Variants in TAF2 observed in about 807,000 individuals in gnomAD.
TAF2 encodes transcription initiation factor TFIID subunit 2.
In TAF2, 61 loss-of-function variants were observed where a neutral mutation model predicts 138.5. The observed-to-expected ratio is 0.44, with a 90% CI of 0.36 to 0.54. The LOEUF (loss-of-function observed/expected upper bound fraction) is 0.54, where lower values mean the gene tolerates loss of function less well. Among genes scored for constraint, TAF2 ranks in the 20% least tolerant of loss-of-function variants. The pLI is 0.00. For synonymous variants in TAF2, 475 were observed against 469.9 expected (o/e 1.01, Z -0.14); for missense variants, 1,090 against 1,427.9 (o/e 0.76, Z 3.81).
rs886896057 is a variant in TAF2, at chr8:119,765,031, G to A, written c.2365-2423C>T. Reference sequence around the variant, plus strand: ...CTCAAAGGAAATAAAATATCTGGTTGAGAGGAAATTTAAATCTAATTTATC... The same window carrying A: ...CTCAAAGGAAATAAAATATCTGGTTAAGAGGAAATTTAAATCTAATTTATC... On this transcript the variant is annotated intron_variant, in intron 18 of 25. Coordinates refer to ENST00000378164, the MANE Select transcript of TAF2 (RefSeq NM_003184.4). 1.6e-4 allele frequency among the ~76,000 whole-genome samples: 25 copies of A among 152,172 alleles called. 2 individuals are homozygous for A. The highest frequency in any genetic ancestry group is 1.5e-3 in the Admixed American group (23 of 15,270).
intron 22 of TAF2, among the ~76,000 whole-genome samples, 174 bp from the exon 23 acceptor site, chr8:119,747,108 G>C (rs73715703): frequency 0.014 from 2,063 of 152,240 alleles, 47 homozygotes; most frequent in African/African-American, 0.046. Context: ...TCCAAAAACT[G>C]TATTTTTATA....
At chr8:119,810,148 T>C (rs1824951831) in intron 3 of TAF2, among the ~76,000 whole-genome samples, 1 of 151,574 alleles carries the variant, frequency 6.6e-6, no homozygotes, top group Admixed American at 6.6e-5. Context: ...AATTTTAACA[T>C]ATGTACAGAT....
chr8:119,734,301 A>G (rs1197134253), intron 25 of TAF2, among the ~76,000 whole-genome samples: 1 of 152,140 alleles, frequency 6.6e-6, no homozygotes, highest in African/African-American at 2.4e-5. Context: ...CTAGCTAAGA[A>G]AAAAGAAAAG....
At chr8:119,812,296 G>A (rs1825124417) in intron 3 of TAF2, among the ~76,000 whole-genome samples, 2 of 151,978 alleles carry the variant, frequency 1.3e-5, no homozygotes, top group African/African-American at 4.8e-5. Flanking sequence ...GATAGCTCAA[G>A]ACAGGGAGCC....
intron 25 of TAF2, among the ~76,000 whole-genome samples, chr8:119,739,985 A>G (rs1819489380): frequency 6.6e-6 from 1 of 152,076 alleles, no homozygotes; most frequent in Admixed American, 6.6e-5. Flanking sequence ...TGAACTGGAT[A>G]TAGGCCAAAA....
intron 2 of TAF2, 43 bp downstream of exon 2, chr8:119,831,634 T>C (rs763139469): frequency 1.6e-5 from 23 of 1,429,664 alleles, no homozygotes; most frequent in Non-Finnish European, 2.3e-5. Context: ...TTACTCTTTA[T>C]AGTGGACTTG....
chr8:119,732,301 C>T, intron 25 of TAF2, 115 bp from the exon 26 acceptor site: 1 of 936,560 alleles, frequency 1.1e-6, no homozygotes. Flanking sequence ...TTTATCACTT[C>T]TATCAGGAAT....
At chr8:119,734,456 C>A (rs1819084998) in intron 25 of TAF2, among the ~76,000 whole-genome samples, 1 of 152,158 alleles carries the variant, frequency 6.6e-6, no homozygotes, top group African/African-American at 2.4e-5. Context: ...AATTACATTG[C>A]AGTACTAATT....
intron 2 of TAF2, among the ~76,000 whole-genome samples, chr8:119,828,576 C>A (rs1586559022): frequency 6.6e-6 from 1 of 152,010 alleles, no homozygotes; most frequent in Non-Finnish European, 1.5e-5. Flanking sequence ...CTAGGTCATC[C>A]CAATAGAAAT....
chr8:119,775,459 T>C (rs1449028528), intron 18 of TAF2, among the ~76,000 whole-genome samples: 2 of 151,878 alleles, frequency 1.3e-5, no homozygotes, highest in African/African-American at 4.8e-5. Context: ...TCCTAGCACT[T>C]TGAGAGGCCG....
intron 4 of TAF2, among the ~76,000 whole-genome samples, chr8:119,805,614 A>C (rs1367109730): frequency 6.6e-6 from 1 of 152,034 alleles, no homozygotes; most frequent in Non-Finnish European, 1.5e-5. Context: ...CTGCGGCAGA[A>C]GAATTCCTTG....
At chr8:119,790,175 C>T (rs1823319138) in intron 11 of TAF2, among the ~76,000 whole-genome samples, 1 of 152,076 alleles carries the variant, frequency 6.6e-6, no homozygotes, top group East Asian at 1.9e-4. Context: ...GTGGCTCATG[C>T]CTGTAATCCT....
At chr8:119,803,482 G>A (rs1824404524) in intron 5 of TAF2, among the ~76,000 whole-genome samples, 1 of 152,110 alleles carries the variant, frequency 6.6e-6, no homozygotes, top group Non-Finnish European at 1.5e-5. Flanking sequence ...CTTGAGGTCA[G>A]GAATTAAAGG....
chr8:119,762,599 T>C lies in TAF2; in HGVS notation c.2374A>G (p.Asn792Asp). Residue 792 changes from asparagine to aspartate, a missense_variant, in exon 19 of 26, where the codon AAC (asparagine) becomes GAC (aspartate). Physicochemically the swap from Asn to Asp is conservative, Grantham distance 23. Around this residue, in one of 3 missense-constraint regions of TAF2, gnomAD observed 580 missense variants for 719.6 expected, o/e 0.81. Coordinates refer to ENST00000378164, the MANE Select transcript of TAF2 (RefSeq NM_003184.4). ...NDNRKNKFSD[N>D]YYRAEMIDAL... ...TCAATCATTTCTGCACGATAATAGT[T>C]ATCTGAAAACTAGGCCAAAGAAAAA... The C allele has an allele frequency of 6.8e-6, 11 of 1,612,144 alleles. No homozygotes were observed. The highest frequency in any genetic ancestry group is 9.3e-6 in the Non-Finnish European group (11 of 1,179,042).
chr8:119,741,245 TCTGA>T (rs1206728932), intron 25 of TAF2, among the ~76,000 whole-genome samples: 2 of 152,218 alleles, frequency 1.3e-5, no homozygotes, highest in Non-Finnish European at 2.9e-5. Context: ...CCAAATGTAT[TCTGA>T]CTCTTTTTGG....
chr8:119,760,394 A>T (rs1820980861), intron 20 of TAF2: 1 of 558,906 alleles, frequency 1.8e-6, no homozygotes, highest in Admixed American at 3.5e-5. Context: ...AAGGCTAAAG[A>T]TACCTATAAT....
intron 18 of TAF2, among the ~76,000 whole-genome samples, chr8:119,776,515 T>G (rs1366840001): frequency 7.1e-6 from 1 of 141,018 alleles, no homozygotes; most frequent in Non-Finnish European, 1.5e-5. Context: ...ACCCCGTCTC[T>G]ACTAAAAATA....
At chr8:119,750,784 T>G (rs533325389) in intron 22 of TAF2, among the ~76,000 whole-genome samples, 132 of 152,320 alleles carry the variant, frequency 8.7e-4, no homozygotes, top group African/African-American at 3.2e-3. Context: ...AATTAGAAGT[T>G]GTCCCTCATT....
chr8:119,771,167 A>G lies in TAF2; in HGVS notation c.2364+6852T>C, dbSNP rs189733941. ...CCCCTCAATGACAAAAGACACCTAC[A>G]GACTCAAAGTAAAGGGATGGAAAAA... On this transcript the variant is annotated intron_variant, in intron 18 of 25. Coordinates refer to ENST00000378164, the MANE Select transcript of TAF2 (RefSeq NM_003184.4). 2.6e-5 allele frequency among the ~76,000 whole-genome samples: 4 copies of G among 152,348 alleles called. No homozygotes were observed. The East Asian group carries it at 7.7e-4, about 29-fold the overall frequency.
Sources: allele counts gnomAD v4.1 joint callset (sites outside exome capture counted in the v4.1 genomes callset), GRCh38; gene constraint gnomAD v4.1.1; regional missense constraint gnomAD v4.1.1; transcripts MANE v1.5; gene names NCBI Gene and HGNC (gene_info 2026-07-23, HGNC 2026-07-21).